Variants in MADD observed in about 807,000 individuals in gnomAD.
MADD encodes the protein MAP kinase activating death domain, also known as MAP kinase-activating death domain protein.
A neutral mutation model predicts 176.7 loss-of-function variants in MADD; 109 were observed. The observed-to-expected ratio is 0.62, with a 90% CI of 0.53 to 0.72. The LOEUF (loss-of-function observed/expected upper bound fraction) is 0.72. Among genes scored for constraint, MADD ranks in the 30% least tolerant of loss-of-function variants. MADD has a pLI of 0.00. For missense variants in MADD, 1,914 were observed against 2,045.5 expected (o/e 0.94, Z 1.24); for synonymous variants, 771 against 771.3 (o/e 1.00, Z 0.01).
exon 23 of MADD, chr11:47,308,648 C>T (rs760336440): frequency 4.3e-6 from 7 of 1,614,050 alleles, no homozygotes; most frequent in Non-Finnish European, 5.1e-6. Flanking sequence ...CAGCCCCATT[C>T]GTACTTCTGA....
intron 15 of MADD, among the ~76,000 whole-genome samples, chr11:47,287,858 T>C (rs2061902795): frequency 6.6e-6 from 1 of 150,934 alleles, no homozygotes; most frequent in South Asian, 2.1e-4. Context: ...TGGTGCAATC[T>C]TGCCTCACTG....
chr11:47,281,947 G>A (rs1367962917), intron 8 of MADD, among the ~76,000 whole-genome samples, 194 bp downstream of exon 8: 1 of 144,664 alleles, frequency 6.9e-6, no homozygotes, highest in African/African-American at 2.6e-5. Flanking sequence ...TGATTCTCCT[G>A]CCTCAGCTTC....
intron 1 of MADD, 28 bp from the exon 2 acceptor site, chr11:47,273,799 A>C (rs1406554306): frequency 1.2e-6 from 1 of 834,436 alleles, no homozygotes. Flanking sequence ...ACAGCAGTGG[A>C]TCTTATCAGT....
intron 27 of MADD, among the ~76,000 whole-genome samples, chr11:47,317,216 C>G (rs897493067): frequency 1.3e-5 from 2 of 152,122 alleles, no homozygotes; most frequent in South Asian, 4.1e-4. Flanking sequence ...TTTATTTAAC[C>G]AGTCAGTACA....
chr11:47,314,937 ATAAT>A (rs1473733982), intron 26 of MADD, among the ~76,000 whole-genome samples: 8 of 151,938 alleles, frequency 5.3e-5, no homozygotes, highest in East Asian at 1.9e-4. Flanking sequence ...AATTGTTTTT[ATAAT>A]TAATCATTTG....
intron 10 of MADD, among the ~76,000 whole-genome samples, chr11:47,283,173 C>G (rs1371866758): frequency 6.6e-6 from 1 of 152,114 alleles, no homozygotes; most frequent in African/African-American, 2.4e-5. Flanking sequence ...GGCTCACTGC[C>G]AGCTCCGCCT....
At chr11:47,286,662 T>C in intron 15 of MADD, 128 bp downstream of exon 15, 1 of 665,780 alleles carries the variant, frequency 1.5e-6, no homozygotes, top group Non-Finnish European at 2.6e-6. Context: ...TTGCTCCTCA[T>C]GGCTTTCACC....
At chr11:47,320,644 A>G (rs1023055551) in intron 27 of MADD, among the ~76,000 whole-genome samples, 4 of 151,482 alleles carry the variant, frequency 2.6e-5, no homozygotes, top group Non-Finnish European at 4.4e-5. Flanking sequence ...AATTAGTCAT[A>G]CATGTGGTGA....
chr11:47,275,757 C>T (rs2049199900), intron 3 of MADD, 142 bp from the exon 4 acceptor site: 3 of 774,020 alleles, frequency 3.9e-6, no homozygotes, highest in Non-Finnish European at 6.3e-6. Flanking sequence ...CTTTCCGGTC[C>T]TATCTGAGCT....
chr11:47,327,794 C>G (rs1285175214), intron 31 of MADD: 1 of 985,328 alleles, frequency 1.0e-6, no homozygotes, highest in Non-Finnish European at 1.2e-6. Context: ...AATTCTCCTC[C>G]TGCCTTTTCT....
chr11:47,329,388 A>G, exon 33 of MADD: 1 of 555,512 alleles, frequency 1.8e-6, no homozygotes, highest in Non-Finnish European at 3.3e-6. Flanking sequence ...GGGCTCAAGA[A>G]TGTGTACAGT....
intron 18 of MADD, 28 bp downstream of exon 19, chr11:47,290,327 G>A (rs370669840): frequency 2.0e-4 from 315 of 1,607,096 alleles, no homozygotes; most frequent in Non-Finnish European, 2.5e-4. Flanking sequence ...TGGGCACCAC[G>A]CCATCCCTAA....
rs1183330943 is a variant in MADD, at chr11:47,325,850, T to C, written c.4543-888T>C. The stretch of plus-strand genomic sequence containing the variant: ...CTGGGCAGCCATCCAAGCCAGTCTG[T>C]GGTTGAAGGCTTGGCCCCTAGAAGA... On this transcript the variant is annotated intron_variant, in intron 30 of 32. Coordinates refer to ENST00000402192, the Ensembl canonical transcript of MADD. The surrounding 1 kb of genome is among the most constrained non-coding windows in gnomAD (Gnocchi z 4.5). Among the ~76,000 whole-genome samples, 1 of 152,184 alleles carries C rather than the reference T, an allele frequency of 6.6e-6. No homozygotes were observed. The highest frequency in any genetic ancestry group is 1.5e-5 in the Non-Finnish European group (1 of 68,028).
rs770411314 is a variant in MADD, at chr11:47,275,978, A to T, written c.739A>T (p.Ile247Phe). The change falls in exon 4 of 33, where the codon ATT (isoleucine) becomes TTT (phenylalanine). Residue 247 changes from isoleucine (I) to phenylalanine (F), a missense_variant. Around this residue, in one of 2 missense-constraint regions of MADD, gnomAD observed 1,767 missense variants for 1,836.0 expected, o/e 0.96. Coordinates refer to ENST00000402192, the Ensembl canonical transcript of MADD. The stretch of plus-strand genomic sequence containing the variant: ...TGCCCTTCTGCATGACCTTCGAGAG[A>T]TTGAGGCCTGGATCTATCGATTGCT... 2.4e-5 allele frequency: 38 copies of T among 1,614,072 alleles called. 1 individual carries two copies. The South Asian group carries it at 3.8e-4, about 16-fold the overall frequency.
intron 26 of MADD, among the ~76,000 whole-genome samples, chr11:47,312,805 C>G (rs187068801): frequency 6.6e-6 from 1 of 152,298 alleles, no homozygotes; most frequent in African/African-American, 2.4e-5. Context: ...AAGACTGTTA[C>G]TCTTATTAGA....
chr11:47,289,782 G>A (rs981581256), intron 16 of MADD, 85 bp from the exon 18 acceptor site: 1 of 1,460,702 alleles, frequency 6.8e-7, no homozygotes, highest in Admixed American at 1.9e-5. Flanking sequence ...TTTACCCCTG[G>A]AGGCAGACAT....
intron 27 of MADD, among the ~76,000 whole-genome samples, chr11:47,319,940 G>A (rs1468124407): frequency 3.6e-5 from 5 of 138,854 alleles, no homozygotes; most frequent in Non-Finnish European, 3.0e-5. Flanking sequence ...GCAGTGAGCC[G>A]AGATCATGCC....
exon 17 of MADD, chr11:47,290,051 G>A: frequency 6.2e-7 from 1 of 1,614,086 alleles, no homozygotes; most frequent in South Asian, 1.1e-5. Context: ...CATCCCGGAT[G>A]TGGTCAGTGT....
chr11:47,290,348 T>C (rs1365563807), intron 18 of MADD, 49 bp downstream of exon 19: 1 of 1,596,142 alleles, frequency 6.3e-7, no homozygotes, highest in Admixed American at 1.7e-5. Context: ...CTCTGCCACT[T>C]GTCTCCTGAA....
Sources: gnomAD v4.1 joint callset for allele counts (sites outside exome capture counted in the v4.1 genomes callset) on GRCh38, gnomAD v4.1.1 for gene constraint, gnomAD v4.1.1 regional missense constraint, Gnocchi (gnomAD v3.1) non-coding constraint, MANE v1.5 for transcripts, NCBI Gene and HGNC (gene_info 2026-07-23, HGNC 2026-07-21) for gene names.